Variants in KITLG observed in about 807,000 individuals in gnomAD.
KITLG encodes the protein c-Kit ligand.
In KITLG, 13 loss-of-function variants were observed where a neutral mutation model predicts 34.1. The ratio of observed to expected loss-of-function variants is 0.38; its 90% CI spans 0.25 to 0.61. The LOEUF (loss-of-function observed/expected upper bound fraction) is 0.61. Ranked by LOEUF, KITLG falls within the 20% of genes least tolerant of loss-of-function variation. The pLI is 0.60. For missense variants in KITLG, 292 were observed against 318.9 expected (o/e 0.92, Z 0.64); for synonymous variants, 110 against 104.0 (o/e 1.06, Z -0.35).
intron 2 of KITLG, among the ~76,000 whole-genome samples, chr12:88,543,452 T>C (rs886251408): frequency 6.6e-6 from 1 of 152,212 alleles, no homozygotes; most frequent in East Asian, 1.9e-4. Flanking sequence ...CATCTTTTTT[T>C]ATGGCTGCAT....
chr12:88,548,203 C>A (rs963752768), intron 1 of KITLG, among the ~76,000 whole-genome samples: 1 of 152,106 alleles, frequency 6.6e-6, no homozygotes, highest in Admixed American at 6.6e-5. Context: ...TGCCTGTAAT[C>A]CCAGCACTTT....
chr12:88,564,092 A>G (rs1353214603), intron 1 of KITLG: 2 of 152,160 alleles, frequency 1.3e-5, no homozygotes, highest in Non-Finnish European at 2.9e-5. Context: ...TTCTGACTTA[A>G]CAGTTTTCTC....
intron 4 of KITLG, 104 bp from the exon 5 acceptor site, chr12:88,516,594 C>T (rs1869466952): frequency 4.2e-6 from 3 of 707,528 alleles, no homozygotes; most frequent in Non-Finnish European, 7.0e-6. Flanking sequence ...AGTATTTAGA[C>T]TCTTACAACT....
rs1002716631 is a variant in KITLG, at chr12:88,493,831, A to G, written c.*3388T>C. ...GGTTTTCATTCTTTGGAGGTGATCC[A>G]AAATGTTTATTCAAGCAAAGGAAAA... On this transcript the variant is annotated 3_prime_UTR_variant, in exon 10 of 10. Transcript: ENST00000644744. The G allele has an allele frequency of 6.6e-6, 1 of 151,936 alleles. No individual in the cohort carries two copies. The highest frequency in any genetic ancestry group is 2.4e-5 in the African/African-American group (1 of 41,426). The allele number at this position is 151,936 out of a possible 1,614,324, so 9.4% of individuals were successfully genotyped here.
At chr12:88,565,991 G>A (rs560869586) in intron 1 of KITLG, among the ~76,000 whole-genome samples, 2 of 152,148 alleles carry the variant, frequency 1.3e-5, no homozygotes, top group African/African-American at 4.8e-5. Context: ...TGGCATTAGC[G>A]AGTTTTAACT....
At chr12:88,577,238 A>G (rs1361060625) in intron 1 of KITLG, among the ~76,000 whole-genome samples, 1 of 152,158 alleles carries the variant, frequency 6.6e-6, no homozygotes, top group Non-Finnish European at 1.5e-5. Flanking sequence ...TAAAAGAGAT[A>G]TTTTCTTTGG....
chr12:88,536,449 C>G lies in KITLG; in HGVS notation c.130-3946G>C, dbSNP rs1469590041. The stretch of plus-strand genomic sequence containing the variant: ...TAGCGATTCCTCAAGGATCTAGAAC[C>G]AGAAATACCATTTGACCCAGCGATC... On this transcript the variant is annotated intron_variant, in intron 2 of 9. Coordinates refer to ENST00000644744, the MANE Select transcript of KITLG (RefSeq NM_000899.5). Among the ~76,000 whole-genome samples, 10 of 152,154 alleles carry G rather than the reference C, an allele frequency of 6.6e-5. No homozygotes were observed. The South Asian group carries it at 2.1e-3, about 32-fold the overall frequency.
chr12:88,509,131 CAAAT>C (rs1869180428), intron 6 of KITLG, among the ~76,000 whole-genome samples: 4 of 152,048 alleles, frequency 2.6e-5, no homozygotes, highest in Admixed American at 2.6e-4. Flanking sequence ...ACAGAGAGAA[CAAAT>C]AAATTAATTA....
chr12:88,552,356 T>C (rs758284200), intron 1 of KITLG, among the ~76,000 whole-genome samples: 2 of 151,202 alleles, frequency 1.3e-5, no homozygotes, highest in Non-Finnish European at 2.9e-5. Context: ...TTTTCTTTTT[T>C]TTTTTGTATT....
intron 3 of KITLG, among the ~76,000 whole-genome samples, chr12:88,522,913 C>G (rs376209231): frequency 1.3e-5 from 2 of 152,090 alleles, no homozygotes; most frequent in African/African-American, 4.8e-5. Flanking sequence ...CCAGTGAGAA[C>G]GTTCTTTTCA....
intron 1 of KITLG, among the ~76,000 whole-genome samples, chr12:88,552,396 G>A (rs2120930370): frequency 6.6e-6 from 1 of 150,824 alleles, no homozygotes; most frequent in African/African-American, 2.4e-5. Flanking sequence ...CACCATGTTG[G>A]CCAGGCTGGT....
intron 3 of KITLG, among the ~76,000 whole-genome samples, chr12:88,528,728 TAGAA>T (rs1375230150): frequency 6.6e-6 from 1 of 152,178 alleles, no homozygotes; most frequent in African/African-American, 2.4e-5. Context: ...CATGCATACA[TAGAA>T]AGAAAGCAAC....
chr12:88,513,937 A>T (rs1869368433), intron 6 of KITLG, among the ~76,000 whole-genome samples: 1 of 151,668 alleles, frequency 6.6e-6, no homozygotes, highest in Non-Finnish European at 1.5e-5. Context: ...TGCTGCATTC[A>T]ACAGTTAAAT....
chr12:88,537,318 C>T (rs1328930066), intron 2 of KITLG, among the ~76,000 whole-genome samples: 1 of 152,068 alleles, frequency 6.6e-6, no homozygotes, highest in Non-Finnish European at 1.5e-5. Flanking sequence ...AAAATCATGT[C>T]TTTCGCAGGA....
chr12:88,511,230 G>A (rs1349562116), intron 6 of KITLG, among the ~76,000 whole-genome samples: 2 of 152,170 alleles, frequency 1.3e-5, no homozygotes, highest in Non-Finnish European at 2.9e-5. Flanking sequence ...TTCCAAATAC[G>A]ATGGTAGCAG....
At chr12:88,570,400 G>A (rs958518444) in intron 1 of KITLG, among the ~76,000 whole-genome samples, 2 of 152,098 alleles carry the variant, frequency 1.3e-5, no homozygotes, top group African/African-American at 4.8e-5. Flanking sequence ...CTTCTGGTAA[G>A]TACTGAGGAG....
At position 88,580,446 on chromosome 12, in the gene KITLG, T is replaced by G; in HGVS notation, c.-168A>C. ...TCCCTGCTTCCCGCAGCGCTTCTAG[T>G]CTCGGCGCGAGGCGGCGAGCGAAGC... On this transcript the variant is annotated 5_prime_UTR_variant, in exon 1 of 10. Transcript: ENST00000644744. 2.4e-6 allele frequency: 2 copies of G among 831,834 alleles called. No homozygotes were observed. Among genetic ancestry groups the G allele is most frequent in the Non-Finnish European group, 1.9e-6 (1 of 521,412 alleles). The allele number at this position is 831,834 out of a possible 1,614,324, so 51.5% of individuals were successfully genotyped here. A position where few individuals can be genotyped will look rare whatever the true frequency, so the allele number is the denominator to read the frequency against.
At chr12:88,552,937 A>G (rs1194181722) in intron 1 of KITLG, among the ~76,000 whole-genome samples, 1 of 152,222 alleles carries the variant, frequency 6.6e-6, no homozygotes, top group East Asian at 1.9e-4. Flanking sequence ...ACTAGTAGTA[A>G]GAATCAAATG....
rs1025615094 is a variant in KITLG at position 88,528,361 on chromosome 12, C to A, written c.192+4080G>T. Among the ~76,000 whole-genome samples, 4 of 152,162 alleles carry A rather than the reference C, an allele frequency of 2.6e-5. No homozygotes were observed. In the East Asian group the frequency reaches 7.7e-4, roughly 29 times the overall value. On this transcript the variant is annotated intron_variant, in intron 3 of 9. Coordinates refer to ENST00000644744, the MANE Select transcript of KITLG (RefSeq NM_000899.5). ...CTATAAATCCTTAATTTAATTACAT[C>A]TGCAAAGTCCTTTTTGCCATGTCAG...
Sources: gnomAD v4.1 joint callset for allele counts (sites outside exome capture counted in the v4.1 genomes callset) on GRCh38, gnomAD v4.1.1 for gene constraint, MANE v1.5 for transcripts, NCBI Gene and HGNC (gene_info 2026-07-23, HGNC 2026-07-21) for gene names.